The following TAB2 variants were observed in gnomAD, a reference collection of about 807,000 sequenced individuals.
TAB2 encodes the protein TGF-beta activated kinase 1 (MAP3K7) binding protein 2.
TAB2 carries 3 observed loss-of-function variants against 65.0 expected under a neutral mutation model. The observed-to-expected ratio is 0.05, with a 90% CI of 0.02 to 0.12. The LOEUF is 0.12. Ranked by LOEUF, TAB2 falls within the 10% of genes least tolerant of loss-of-function variation. TAB2 has a pLI of 1.00. For synonymous variants in TAB2, 298 were observed against 285.1 expected (o/e 1.05, Z -0.46); for missense variants, 623 against 840.3 (o/e 0.74, Z 3.20).
chr6:149,357,430 A>AAAAAAC, intron 1 of TAB2, among the ~76,000 whole-genome samples: 3 of 111,142 alleles, frequency 2.7e-5, no homozygotes, highest in Admixed American at 1.0e-4. Context: ...AGAAAAAAAA[A>AAAAAAC]ACACACACAC....
At chr6:149,302,368 T>A (rs1202774288) in intron 1 of TAB2, among the ~76,000 whole-genome samples, 2 of 152,220 alleles carry the variant, frequency 1.3e-5, no homozygotes, top group Non-Finnish European at 2.9e-5. Flanking sequence ...ATGTATATTT[T>A]TGAAGCATAA....
intron 1 of TAB2, among the ~76,000 whole-genome samples, chr6:149,320,593 T>A (rs1231299659): frequency 6.6e-6 from 1 of 152,176 alleles, no homozygotes; most frequent in African/African-American, 2.4e-5. Context: ...TTTTGAAAAA[T>A]AAGTATAATG....
At chr6:149,398,323 A>T (rs1370161017) in intron 5 of TAB2, among the ~76,000 whole-genome samples, 1 of 152,236 alleles carries the variant, frequency 6.6e-6, no homozygotes, top group Non-Finnish European at 1.5e-5. Context: ...TGAGCTATTA[A>T]TGACAAGCAA....
chr6:149,249,554 G>A (rs910233945), intron 1 of TAB2, among the ~76,000 whole-genome samples: 15 of 149,814 alleles, frequency 1.0e-4, no homozygotes, highest in Non-Finnish European at 2.1e-4. Flanking sequence ...CTCTGTCTCT[G>A]TCTCCCTCTC....
At chr6:149,252,718 C>T (rs1424036206) in intron 1 of TAB2, among the ~76,000 whole-genome samples, 1 of 152,160 alleles carries the variant, frequency 6.6e-6, no homozygotes, top group African/African-American at 2.4e-5. Context: ...TAGTACTGCT[C>T]ACACCCTTTG....
At chr6:149,399,538 C>G (rs1412254116) in intron 6 of TAB2, among the ~76,000 whole-genome samples, 6 of 151,754 alleles carry the variant, frequency 4.0e-5, no homozygotes, top group Admixed American at 6.6e-5. Flanking sequence ...GTTCCCCCCC[C>G]CCATGAGTAT....
intron 1 of TAB2, among the ~76,000 whole-genome samples, chr6:149,318,400 G>A (rs34933934): frequency 0.023 from 3,500 of 152,098 alleles, 134 homozygotes; most frequent in African/African-American, 0.078. Context: ...GCATGTGTGA[G>A]GTGGGGGCGG....
chr6:149,220,525 C>T (rs1777120240), intron 1 of TAB2, among the ~76,000 whole-genome samples: 1 of 152,164 alleles, frequency 6.6e-6, no homozygotes, highest in South Asian at 2.1e-4. Context: ...CCAAAGATTA[C>T]ATCTATTAAT....
intron 1 of TAB2, among the ~76,000 whole-genome samples, chr6:149,354,157 C>T (rs1327743857): frequency 6.6e-6 from 1 of 152,176 alleles, no homozygotes; most frequent in East Asian, 1.9e-4. Context: ...AAAGTGTAAT[C>T]ATGCCCTTTG....
intron 6 of TAB2, among the ~76,000 whole-genome samples, chr6:149,407,422 G>C (rs1472031593): frequency 6.6e-6 from 1 of 152,158 alleles, no homozygotes; most frequent in Non-Finnish European, 1.5e-5. Flanking sequence ...AGTTGTTGAA[G>C]TGGGATGAGT....
At chr6:149,360,727 A>G (rs992168208) in intron 1 of TAB2, among the ~76,000 whole-genome samples, 4 of 152,186 alleles carry the variant, frequency 2.6e-5, no homozygotes, top group Non-Finnish European at 1.5e-5. Flanking sequence ...GCGTCACTCA[A>G]AAGTCCAAAG....
chr6:149,346,448 CTTT>C (rs11399281), intron 1 of TAB2: 11,482 of 113,234 alleles, frequency 0.1, 642 homozygotes, highest in Non-Finnish European at 0.14. Context: ...GTTGGTGAAA[CTTT>C]TTTTTTTTTT....
At position 149,317,962 on chromosome 6, in the gene TAB2, AGGC is replaced by A. The variant is rs10611396; in HGVS notation, c.-127_-125del. ...GTGGAGACGGCTGCCCTAGTGGGAGAGGCGGCGGCGGCGGCGGCCGAGGAGGAG... is the reference window on the plus strand; with the variant it reads ...GTGGAGACGGCTGCCCTAGTGGGAGAGGCGGCGGCGGCGGCCGAGGAGGAG... On this transcript the variant is annotated 5_prime_UTR_variant, in exon 1 of 7. Coordinates refer to ENST00000637181, the MANE Select transcript of TAB2 (RefSeq NM_001292034.3). The surrounding 1 kb of genome is among the most constrained non-coding windows in gnomAD (Gnocchi z 4.7). 0.88 allele frequency: 145,470 copies of A among 165,706 alleles called. 63,927 individuals are homozygous for A. The highest frequency in any genetic ancestry group is 0.93 in the Middle Eastern group (311 of 334). The allele number at this position is 165,706 out of a possible 1,614,324, so 10.3% of individuals were successfully genotyped here. A position where few individuals can be genotyped will look rare whatever the true frequency, so the allele number is the denominator to read the frequency against.
At chr6:149,376,196 C>T (rs111576955) in intron 2 of TAB2, among the ~76,000 whole-genome samples, 2,459 of 152,156 alleles carry the variant, frequency 0.016, 30 homozygotes, top group Middle Eastern at 0.034. Context: ...TACTTTGTGT[C>T]TTCTAACTGC....
chr6:149,309,680 AGCCACCAC>A (rs1279640999), intron 1 of TAB2, among the ~76,000 whole-genome samples: 1 of 151,446 alleles, frequency 6.6e-6, no homozygotes, highest in Non-Finnish European at 1.5e-5. Context: ...TACAGGCGTG[AGCCACCAC>A]GCCTGCCCTC....
Position 149,403,267 on chromosome 6 carries a change from T to TATACAC in TAB2, c.1939+4086_1939+4087insCACATA, listed in dbSNP as rs1562456240. On this transcript the variant is annotated intron_variant, in intron 6 of 6. Transcript: ENST00000637181. ...AAAAAAATATATATATATATATATA[T>TATACAC]ATATATATATATATATACACACACA... Among the ~76,000 whole-genome samples, 6 of 48,436 alleles carry TATACAC rather than the reference T, an allele frequency of 1.2e-4. 1 individual carries two copies. In the East Asian group the frequency reaches 4.8e-3, roughly 39 times the overall value. The allele number at this position is 48,436 out of a possible 152,430, so 31.8% of individuals were successfully genotyped here.
At chr6:149,299,765 C>T (rs572153013) in intron 1 of TAB2, among the ~76,000 whole-genome samples, 1 of 152,250 alleles carries the variant, frequency 6.6e-6, no homozygotes, top group Non-Finnish European at 1.5e-5. Context: ...AATCCCAACA[C>T]TGGGAGGCGG....
chr6:149,289,783 C>G (rs1778744071), intron 1 of TAB2, among the ~76,000 whole-genome samples: 2 of 152,174 alleles, frequency 1.3e-5, no homozygotes, highest in South Asian at 4.1e-4. Flanking sequence ...GTTGGTCGGG[C>G]TACAACTTGG....
chr6:149,326,944 A>G (rs1779638982), intron 1 of TAB2, among the ~76,000 whole-genome samples: 1 of 152,220 alleles, frequency 6.6e-6, no homozygotes, highest in African/African-American at 2.4e-5. Context: ...CCTTTTGGAT[A>G]GGTCACTTAA....
Sources: allele counts gnomAD v4.1 joint callset (sites outside exome capture counted in the v4.1 genomes callset), GRCh38; gene constraint gnomAD v4.1.1; non-coding constraint Gnocchi (gnomAD v3.1); transcripts MANE v1.5; gene names NCBI Gene and HGNC (gene_info 2026-07-23, HGNC 2026-07-21).